The following MCC variants were observed in gnomAD, a reference collection of about 807,000 sequenced individuals.
The protein encoded by MCC is MCC regulator of Wnt signaling pathway, also known as colorectal mutant cancer protein.
MCC carries 90 observed loss-of-function variants against 116.2 expected under a neutral mutation model. That is an observed-to-expected ratio of 0.77 (90% CI 0.65 to 0.92). The LOEUF is 0.92. Among genes scored for constraint, MCC ranks in the 40% least tolerant of loss-of-function variants. The pLI is 0.00. For missense variants in MCC, 1,516 were observed against 1,312.2 expected, an observed-to-expected ratio of 1.16 and a Z score of -2.40; for synonymous variants, 578 against 510.5, an observed-to-expected ratio of 1.13 and a Z score of -1.78.
At chr5:113,068,247 C>T (rs1753764248) in intron 12 of MCC, 64 bp from the exon 13 acceptor site, 8 of 1,307,404 alleles carry the variant, frequency 6.1e-6, no homozygotes, top group South Asian at 2.4e-5. Context: ...AATGTGGCGC[C>T]GGTTTCTGTG....
chr5:113,063,656 G>C (rs1308582814), intron 14 of MCC, among the ~76,000 whole-genome samples: 1 of 152,180 alleles, frequency 6.6e-6, no homozygotes, highest in Non-Finnish European at 1.5e-5. Context: ...TGGAAATGAA[G>C]ACTTATAAAG....
intron 12 of MCC, among the ~76,000 whole-genome samples, chr5:113,070,697 C>T (rs1753977108): frequency 6.6e-6 from 1 of 152,098 alleles, no homozygotes. Context: ...GGAGGGGTTA[C>T]AGCCATTCAG....
intron 17 of MCC, among the ~76,000 whole-genome samples, chr5:113,040,415 C>T (rs1432546524): frequency 6.6e-6 from 1 of 152,092 alleles, no homozygotes; most frequent in Non-Finnish European, 1.5e-5. Context: ...TTAGCGACAC[C>T]TGATCTTTTC....
Position 113,354,436 on chromosome 5 carries a change from T to TTCC in MCC, c.416-13707_416-13706insGGA, listed in dbSNP as rs1330527526. ...TAACATCTGAGGGATTCTTTTCCTTTTTCTTTTTTTTTTTCTGAGACAGAG... is the reference window on the plus strand; with the variant it reads ...TAACATCTGAGGGATTCTTTTCCTTTTCCTTCTTTTTTTTTTTCTGAGACAGAG... On this transcript the variant is annotated intron_variant, in intron 2 of 18. Coordinates refer to ENST00000408903, the MANE Select transcript of MCC (RefSeq NM_001085377.2). 1.9e-4 allele frequency among the ~76,000 whole-genome samples: 16 copies of TTCC among 83,368 alleles called. No individual in the cohort carries two copies. The African/African-American group carries it at 2.2e-3, about 12-fold the overall frequency. 54.7% of individuals were successfully genotyped at this position (83,368 alleles called of 152,430 possible). A position where few individuals can be genotyped will look rare whatever the true frequency, so the allele number is the denominator to read the frequency against.
At position 113,434,769 on chromosome 5, in the gene MCC, G is replaced by C. The variant is rs777683839; in HGVS notation, c.171-49557C>G. 3 of 1,613,978 alleles carry C rather than the reference G, an allele frequency of 1.9e-6. No individual in the cohort carries two copies. Among genetic ancestry groups the C allele is most frequent in the Non-Finnish European group, 1.7e-6 (2 of 1,179,896 alleles). On this transcript the variant is annotated intron_variant, in intron 1 of 18. Transcript: ENST00000408903. This position sits in a 1 kb window ranked among gnomAD's most constrained non-coding sequence, Gnocchi z 4.2. ...CTCAGAGTAAGCAGATTTTACTTTT[G>C]CATAGGAGCCCTCTCCTAAATTTAT...
chr5:113,075,075 C>G (rs1226001458), intron 11 of MCC, among the ~76,000 whole-genome samples: 1 of 152,148 alleles, frequency 6.6e-6, no homozygotes, highest in East Asian at 1.9e-4. Context: ...GCGTGGCACT[C>G]GTGGGCCAGC....
chr5:113,330,328 C>A (rs1767669239), intron 3 of MCC, among the ~76,000 whole-genome samples: 1 of 152,194 alleles, frequency 6.6e-6, no homozygotes, highest in Non-Finnish European at 1.5e-5. Context: ...TAAACTTATT[C>A]TTTTAATACC....
chr5:113,305,652 A>G (rs1766968753), intron 3 of MCC, among the ~76,000 whole-genome samples: 1 of 152,158 alleles, frequency 6.6e-6, no homozygotes, highest in Admixed American at 6.6e-5. Context: ...TTTGGTTACT[A>G]TAGCTCAATG....
At chr5:113,265,141 A>G (rs1765374461) in intron 3 of MCC, among the ~76,000 whole-genome samples, 1 of 152,230 alleles carries the variant, frequency 6.6e-6, no homozygotes. Flanking sequence ...GTCAGAGACC[A>G]TAGGACCTGC....
chr5:113,350,549 G>A (rs1768243756), intron 2 of MCC, among the ~76,000 whole-genome samples: 1 of 152,024 alleles, frequency 6.6e-6, no homozygotes, highest in Non-Finnish European at 1.5e-5. Flanking sequence ...ATAGATTAAA[G>A]AGTTAAATCT....
chr5:113,153,399 A>G (rs906200645), intron 3 of MCC, among the ~76,000 whole-genome samples: 4 of 152,176 alleles, frequency 2.6e-5, no homozygotes, highest in Non-Finnish European at 5.9e-5. Context: ...AGACACACAC[A>G]GAGTACTTAC....
intron 4 of MCC, among the ~76,000 whole-genome samples, chr5:113,148,035 T>G (rs1300097880): frequency 6.6e-6 from 1 of 152,220 alleles, no homozygotes; most frequent in Non-Finnish European, 1.5e-5. Context: ...TTCATAAGCT[T>G]GTTTGACATA....
chr5:113,236,333 T>C (rs1407147469), intron 3 of MCC, among the ~76,000 whole-genome samples: 1 of 152,166 alleles, frequency 6.6e-6, no homozygotes, highest in African/African-American at 2.4e-5. Context: ...TTTCAATAAA[T>C]TCTAGAAATG....
At chr5:113,372,330 A>C (rs1474667492) in intron 2 of MCC, among the ~76,000 whole-genome samples, 2 of 152,248 alleles carry the variant, frequency 1.3e-5, no homozygotes, top group Admixed American at 1.3e-4. Context: ...ATCAGCAAGT[A>C]AGACTGAACC....
At chr5:113,247,937 T>A (rs1327748028) in intron 3 of MCC, among the ~76,000 whole-genome samples, 1 of 151,984 alleles carries the variant, frequency 6.6e-6, no homozygotes, top group Non-Finnish European at 1.5e-5. Flanking sequence ...AAGCACAGTG[T>A]TGAGAGTCGC....
Position 113,074,269 on chromosome 5 carries a change from G to C in MCC, c.1785-3035C>G, listed in dbSNP as rs562490592. On this transcript the variant is annotated intron_variant, in intron 11 of 18. Coordinates refer to ENST00000408903, the MANE Select transcript of MCC (RefSeq NM_001085377.2). ...CCGCTGGTGATACCCACACAAACAGGGTCTGGAGTGGACCTCCAGCAAACT... is the reference window on the plus strand; with the variant it reads ...CCGCTGGTGATACCCACACAAACAGCGTCTGGAGTGGACCTCCAGCAAACT... Among the ~76,000 whole-genome samples the C allele has an allele frequency of 3.3e-5, 5 of 152,278 alleles. No individual in the cohort carries two copies. The East Asian group carries it at 9.6e-4, about 29-fold the overall frequency.
chr5:113,471,526 C>T (rs1426713664), intron 1 of MCC, among the ~76,000 whole-genome samples: 1 of 152,060 alleles, frequency 6.6e-6, no homozygotes, highest in Non-Finnish European at 1.5e-5. Context: ...GATCGTTCCT[C>T]TGGAAGTTTT....
intron 8 of MCC, among the ~76,000 whole-genome samples, chr5:113,087,235 T>G (rs922779009): frequency 2.0e-5 from 3 of 152,118 alleles, no homozygotes; most frequent in Admixed American, 6.5e-5. Context: ...ATCAACATAT[T>G]AGAAGCTAAA....
rs116476982 is a variant in MCC at position 113,357,656 on chromosome 5, A to C, written c.416-16926T>G. ...GCAAGTGGGCTCAACCATGTGCACTAAGGCAAAATGGTGGAGCTTAACTCA... is the reference window on the plus strand; with the variant it reads ...GCAAGTGGGCTCAACCATGTGCACTCAGGCAAAATGGTGGAGCTTAACTCA... On this transcript the variant is annotated intron_variant, in intron 2 of 18. Transcript: ENST00000408903. Among the ~76,000 whole-genome samples the C allele has an allele frequency of 8.7e-3, 1,323 of 152,350 alleles. 23 individuals carry two copies. Among genetic ancestry groups the C allele is most frequent in the African/African-American group, 0.03 (1,267 of 41,584 alleles).
Sources: gnomAD v4.1 joint callset for allele counts (sites outside exome capture counted in the v4.1 genomes callset) on GRCh38, gnomAD v4.1.1 for gene constraint, Gnocchi (gnomAD v3.1) non-coding constraint, MANE v1.5 for transcripts, NCBI Gene and HGNC (gene_info 2026-07-23, HGNC 2026-07-21) for gene names.